GPR35: variants seen among roughly 807,000 people sequenced by gnomAD.
GPR35 encodes KYNA receptor.
For missense variants in GPR35, 372 were observed against 422.5 expected (o/e 0.88, Z 1.05); for synonymous variants, 207 against 198.4 (o/e 1.04, Z -0.36).
chr2:240,614,719 G>A (rs1049138085), intron 2 of GPR35, among the ~76,000 whole-genome samples: 4 of 152,192 alleles, frequency 2.6e-5, no homozygotes, highest in Admixed American at 2.0e-4. Context: ...GCATGGCACC[G>A]CCATGCCCCT....
chr2:240,630,896 G>T lies in GPR35; in HGVS notation c.*14G>T. On this transcript the variant is annotated 3_prime_UTR_variant, in exon 2 of 2. Transcript: ENST00000407714. The stretch of plus-strand genomic sequence containing the variant: ...ACCCTCGCCTAAGAGGCGTGCTGTG[G>T]GCGCTGTGGGCCAGGTCTCGGGGGC... 6.3e-7 allele frequency: 1 copy of T among 1,599,912 alleles called. No homozygotes were observed. Among genetic ancestry groups the T allele is most frequent in the South Asian group, 1.1e-5 (1 of 90,746 alleles).
chr2:240,623,222 C>G (rs766239150), upstream of GPR35, among the ~76,000 whole-genome samples: 11 of 152,208 alleles, frequency 7.2e-5, no homozygotes, highest in Non-Finnish European at 1.3e-4. Context: ...CCCACAAGCA[C>G]AAGCCCAGTG....
At chr2:240,619,256 T>C in intron 5 of GPR35, among the ~76,000 whole-genome samples, 1 of 152,318 alleles carries the variant, frequency 6.6e-6, no homozygotes. Context: ...GATTTGTGTT[T>C]CTCTTTTTAT....
intron 2 of GPR35, chr2:240,607,460 G>A (rs1324803054): frequency 6.6e-6 from 1 of 152,120 alleles, no homozygotes. Flanking sequence ...CGGAGTGCTG[G>A]GATTATAGGC....
At position 240,608,104 on chromosome 2, in the gene GPR35, C is replaced by T. The variant is rs149679733; in HGVS notation, c.-577+1492C>T. Among the ~76,000 whole-genome samples the T allele has an allele frequency of 4.9e-4, 75 of 152,246 alleles. No individual in the cohort carries two copies. The East Asian group carries it at 0.012, about 25-fold the overall frequency. On this transcript the variant is annotated intron_variant, in intron 2 of 5. Transcript: ENST00000319838. The stretch of plus-strand genomic sequence containing the variant: ...ATTGGGTCTTGCTATGTTGCTCGGG[C>T]TGGTCTTGAACTCCTATCTTCAAGC...
In GPR35 at chr2:240,629,982, C is replaced by T. The variant is rs766437332; in HGVS notation, c.30C>T (p.Ser10=). 2.5e-6 allele frequency: 4 copies of T among 1,608,526 alleles called. No individual in the cohort carries two copies. The highest frequency in any genetic ancestry group is 3.4e-6 in the Non-Finnish European group (4 of 1,176,358). ...ATGGCACCTACAACACCTGTGGCTC[C>T]AGCGACCTCACCTGGCCCCCAGCGA... MNGTYNTCG[S]SDLTWPPAIK... is the part of the protein sequence containing the mutation. The change falls in exon 2 of 2, where the codon TCC becomes TCT. Residue 10 remains serine (S), a synonymous_variant. Transcript: ENST00000407714.
chr2:240,624,018 T>C (rs1049284369), upstream of GPR35, among the ~76,000 whole-genome samples: 1 of 70,982 alleles, frequency 1.4e-5, no homozygotes, highest in Non-Finnish European at 3.2e-5. Context: ...GTGGGGGGGG[T>C]GGGGGAGCTC....
chr2:240,619,144 C>A, intron 5 of GPR35: 1 of 598,066 alleles, frequency 1.7e-6, no homozygotes, highest in South Asian at 2.0e-5. Context: ...CCTTAGAGAT[C>A]AGTGATCAAT....
At chr2:240,624,910 G>T (rs968496861), upstream of GPR35, among the ~76,000 whole-genome samples, 1 of 152,180 alleles carries the variant, frequency 6.6e-6, no homozygotes, top group Non-Finnish European at 1.5e-5. Flanking sequence ...CAAGTCGGGG[G>T]GAAGCAGGGG....
At chr2:240,623,589 C>T (rs1421594656), upstream of GPR35, among the ~76,000 whole-genome samples, 1 of 151,868 alleles carries the variant, frequency 6.6e-6, no homozygotes, top group African/African-American at 2.4e-5. Flanking sequence ...TCTGGAGGGG[C>T]CCGGGCAAGG....
chr2:240,613,985 A>AC (rs1365920773), intron 2 of GPR35, among the ~76,000 whole-genome samples: 2 of 149,934 alleles, frequency 1.3e-5, no homozygotes, highest in African/African-American at 2.5e-5. Flanking sequence ...TAACCATAAC[A>AC]CCAACTACAA....
At chr2:240,614,802 G>A (rs1415818536) in intron 2 of GPR35, among the ~76,000 whole-genome samples, 1 of 152,134 alleles carries the variant, frequency 6.6e-6, no homozygotes, top group Non-Finnish European at 1.5e-5. Context: ...GCTTATCAGA[G>A]TGTGTGTGTA....
chr2:240,623,398 G>GTGAGGGTGCAAACAGGTCA (rs1559437628), upstream of GPR35, among the ~76,000 whole-genome samples: 34 of 63,158 alleles, frequency 5.4e-4, 5 homozygotes, highest in Admixed American at 1.3e-3. Flanking sequence ...CAAACAGGTC[G>GTGAGGGTGCAAACAGGTCA]TGAGGGCGCA....
At chr2:240,628,356 A>C (rs1007040266) in intron 1 of GPR35, 10 of 152,212 alleles carry the variant, frequency 6.6e-5, no homozygotes, top group African/African-American at 2.4e-4. Flanking sequence ...AATCAGAGAG[A>C]AAGCAAGCAG....
chr2:240,632,329 A>C lies in GPR35; in HGVS notation c.*1447A>C, dbSNP rs774791059. On this transcript the variant is annotated 3_prime_UTR_variant, in exon 2 of 2. Transcript: ENST00000407714. Reference sequence around the variant, plus strand: ...CACAGAGGGCCCTGTGCTCAGGAGGATACATGTCCAGGAGTGTCCCTGTCC... The same window carrying C: ...CACAGAGGGCCCTGTGCTCAGGAGGCTACATGTCCAGGAGTGTCCCTGTCC... 2.7e-5 allele frequency among the ~76,000 whole-genome samples: 4 copies of C among 147,450 alleles called. No homozygotes were observed. Among genetic ancestry groups the C allele is most frequent in the Non-Finnish European group, 4.5e-5 (3 of 66,990 alleles).
rs529031321 is a variant in GPR35, at chr2:240,632,473, G to A, written c.*1591G>A. Among the ~76,000 whole-genome samples the A allele has an allele frequency of 2.4e-4, 36 of 147,836 alleles. 1 individual carries two copies. Among genetic ancestry groups the A allele is most frequent in the East Asian group, 1.3e-3 (6 of 4,730 alleles). On this transcript the variant is annotated 3_prime_UTR_variant, in exon 2 of 2. Coordinates refer to ENST00000407714, the MANE Select transcript of GPR35 (RefSeq NM_005301.5). Reference sequence around the variant, plus strand: ...ACCAGAAGGGCCCATGTCAAGGAGCGTTCATGCCCAGGAAGGTCCAGCCCA... The same window carrying A: ...ACCAGAAGGGCCCATGTCAAGGAGCATTCATGCCCAGGAAGGTCCAGCCCA...
upstream of GPR35, among the ~76,000 whole-genome samples, chr2:240,621,350 G>T (rs1219441162): frequency 3.9e-5 from 6 of 152,166 alleles, no homozygotes; most frequent in Non-Finnish European, 4.4e-5. Context: ...CGCCTCCCGG[G>T]TTCAAGCAAT....
intron 1 of GPR35, among the ~76,000 whole-genome samples, chr2:240,626,500 G>C (rs547063455): frequency 6.6e-6 from 1 of 152,180 alleles, no homozygotes; most frequent in South Asian, 2.1e-4. Context: ...GAGGCTGTTG[G>C]GGTCTCAGGG....
At chr2:240,620,735 C>T (rs910063683), upstream of GPR35, among the ~76,000 whole-genome samples, 3 of 152,114 alleles carry the variant, frequency 2.0e-5, no homozygotes, top group African/African-American at 4.8e-5. Context: ...GGACCTTAGG[C>T]CACAGGTGCT....
Sources: gnomAD v4.1 joint callset for allele counts (sites outside exome capture counted in the v4.1 genomes callset) on GRCh38, gnomAD v4.1.1 for gene constraint, MANE v1.5 for transcripts, NCBI Gene and HGNC (gene_info 2026-07-23, HGNC 2026-07-21) for gene names.